Variants in PEX26 observed in about 807,000 individuals in gnomAD.
PEX26 encodes peroxisomal biogenesis factor 26.
In PEX26, 18 loss-of-function variants were observed where a neutral mutation model predicts 31.4. That is an observed-to-expected ratio of 0.57 (90% CI 0.40 to 0.85). The LOEUF (loss-of-function observed/expected upper bound fraction) is 0.85. PEX26 is among the 40% of genes least tolerant of loss of function. PEX26 has a pLI of 0.00. For missense variants in PEX26, 377 were observed against 383.9 expected, an observed-to-expected ratio of 0.98 and a Z score of 0.15; for synonymous variants, 176 against 166.9, an observed-to-expected ratio of 1.05 and a Z score of -0.42.
Position 18,100,747 on chromosome 22 carries a change from A to G in PEX26, c.*12672A>G, listed in dbSNP as rs1256545123. 1 of 152,276 alleles carries G rather than the reference A, an allele frequency of 6.6e-6. No individual in the cohort carries two copies. The highest frequency in any genetic ancestry group is 1.9e-4 in the East Asian group (1 of 5,204). 9.4% of individuals were successfully genotyped at this position (152,276 alleles called of 1,614,324 possible). ...CGATGCTGTTTACTACATCCTACGC[A>G]TGCTGAGATAGATGAGTGGGACACC... On this transcript the variant is annotated 3_prime_UTR_variant, in exon 5 of 5. Coordinates refer to ENST00000399744, the MANE Select transcript of PEX26 (RefSeq NM_001127649.3).
In PEX26 at chr22:18,083,890, G is replaced by A. The variant is rs565079703; in HGVS notation, c.667+158G>A. Among the ~76,000 whole-genome samples, 26 of 152,330 alleles carry A rather than the reference G, an allele frequency of 1.7e-4. 1 individual carries two copies. Among genetic ancestry groups the A allele is most frequent in the Middle Eastern group, 6.8e-3 (2 of 294 alleles). Reference sequence around the variant, plus strand: ...GAGGCCTGTTGATTTGCTTCACAAAGTGAAGGCCAGACCCTCTGAAGTTGG... The same window carrying A: ...GAGGCCTGTTGATTTGCTTCACAAAATGAAGGCCAGACCCTCTGAAGTTGG... On this transcript the variant is annotated intron_variant, in intron 3 of 4. Transcript: ENST00000399744.
rs951195109 is a variant in PEX26, at chr22:18,079,182, AAAAAG to A, written c.230+584_230+588del. On this transcript the variant is annotated intron_variant, in intron 1 of 4. Transcript: ENST00000399744. The stretch of plus-strand genomic sequence containing the variant: ...AGCCCTCTTCTCTACCAAAAAGAAG[AAAAAG>A]AAAAGAATCCGGAGAAAAAAACCTT... 1.0e-5 allele frequency: 10 copies of A among 984,606 alleles called. No homozygotes were observed. In the African/African-American group the frequency reaches 1.7e-4, roughly 17 times the overall value. The allele number at this position is 984,606 out of a possible 1,614,324, so 61.0% of individuals were successfully genotyped here. A position where few individuals can be genotyped will look rare whatever the true frequency, so the allele number is the denominator to read the frequency against.
rs1169658164 is a variant in PEX26 at position 18,099,712 on chromosome 22, C to G, written c.*11637C>G. 1 of 152,258 alleles carries G rather than the reference C, an allele frequency of 6.6e-6. No individual in the cohort carries two copies. Among genetic ancestry groups the G allele is most frequent in the Non-Finnish European group, 1.5e-5 (1 of 68,048 alleles). The allele number at this position is 152,258 out of a possible 1,614,324, so 9.4% of individuals were successfully genotyped here. A position where few individuals can be genotyped will look rare whatever the true frequency, so the allele number is the denominator to read the frequency against. ...GAAGGCCAGAAGTCAGCCAAAGCCT[C>G]TGCCTCTGAAGGCTGTAGGCAAGAT... On this transcript the variant is annotated 3_prime_UTR_variant, in exon 5 of 5. Transcript: ENST00000399744.
At position 18,103,387 on chromosome 22, in the gene PEX26, C is replaced by T. The variant is rs1927518996; in HGVS notation, c.*15312C>T. 6.6e-6 allele frequency: 1 copy of T among 152,104 alleles called. No homozygotes were observed. 9.4% of individuals were successfully genotyped at this position (152,104 alleles called of 1,614,324 possible). ...TATCCTGGATACCCTGAGTTGATCA[C>T]TACACATTCTATGCATGTAATGAAA... On this transcript the variant is annotated 3_prime_UTR_variant, in exon 5 of 5. Coordinates refer to ENST00000399744, the MANE Select transcript of PEX26 (RefSeq NM_001127649.3).
At chr22:18,081,582 C>A in intron 2 of PEX26, 1 of 166,424 alleles carries the variant, frequency 6.0e-6, no homozygotes, top group Admixed American at 6.5e-5. Flanking sequence ...CGGCCGGTGG[C>A]AGTACCAGAA....
chr22:18,083,776 G>A (rs1926722014), intron 3 of PEX26, 44 bp downstream of exon 3: 1 of 1,581,468 alleles, frequency 6.3e-7, no homozygotes, highest in Admixed American at 1.7e-5. Context: ...TGGACTTGCG[G>A]GCTTGCACTG....
rs1361982609 is a variant in PEX26 at position 18,097,001 on chromosome 22, A to G, written c.*8926A>G. ...GCAAAGGGGAAGCAAGGCACATCTT[A>G]CATGGCAGCAGCAGAGAGAATGAGG... On this transcript the variant is annotated 3_prime_UTR_variant, in exon 5 of 5. Coordinates refer to ENST00000399744, the MANE Select transcript of PEX26 (RefSeq NM_001127649.3). The G allele has an allele frequency of 6.6e-6, 1 of 152,234 alleles. No individual in the cohort carries two copies. The highest frequency in any genetic ancestry group is 1.5e-5 in the Non-Finnish European group (1 of 68,078). The allele number at this position is 152,234 out of a possible 1,614,324, so 9.4% of individuals were successfully genotyped here. A position where few individuals can be genotyped will look rare whatever the true frequency, so the allele number is the denominator to read the frequency against.
chr22:18,097,258 GT>G lies in PEX26; in HGVS notation c.*9197del, dbSNP rs1244157956. 116 of 143,006 alleles carry G rather than the reference GT, an allele frequency of 8.1e-4. No homozygotes were observed. Among genetic ancestry groups the G allele is most frequent in the Admixed American group, 4.2e-3 (60 of 14,274 alleles). The allele number at this position is 143,006 out of a possible 1,614,324, so 8.9% of individuals were successfully genotyped here. A position where few individuals can be genotyped will look rare whatever the true frequency, so the allele number is the denominator to read the frequency against. On this transcript the variant is annotated 3_prime_UTR_variant, in exon 5 of 5. Coordinates refer to ENST00000399744, the MANE Select transcript of PEX26 (RefSeq NM_001127649.3). ...ACCCCAATGGCAGCTATGGCCGTTA[GT>G]TTTTTTTTTTTTTCTTTTTTTTGAG...
rs1781194931 is a variant in PEX26, at chr22:18,099,054, A to G, written c.*10979A>G. The G allele has an allele frequency of 6.6e-6, 1 of 152,152 alleles. No homozygotes were observed. The highest frequency in any genetic ancestry group is 1.5e-5 in the Non-Finnish European group (1 of 68,020). The allele number at this position is 152,152 out of a possible 1,614,324, so 9.4% of individuals were successfully genotyped here. On this transcript the variant is annotated 3_prime_UTR_variant, in exon 5 of 5. Coordinates refer to ENST00000399744, the MANE Select transcript of PEX26 (RefSeq NM_001127649.3). ...ATGCTGTCTGCCTTACCTTTTAGTG[A>G]TGATTTGTAGGAAGAGGAAGGTAGG...
chr22:18,104,103 GA>G lies in PEX26; in HGVS notation c.*16032del, dbSNP rs1927542007. The G allele has an allele frequency of 6.6e-6, 1 of 152,122 alleles. No homozygotes were observed. The highest frequency in any genetic ancestry group is 2.1e-4 in the South Asian group (1 of 4,826). 9.4% of individuals were successfully genotyped at this position (152,122 alleles called of 1,614,324 possible). A position where few individuals can be genotyped will look rare whatever the true frequency, so the allele number is the denominator to read the frequency against. On this transcript the variant is annotated 3_prime_UTR_variant, in exon 5 of 5. Transcript: ENST00000399744. ...CAGTTGTTTCAGTGTTGGTTAGGAG[GA>G]AAATGCCCAGAAAGGGGAACAGTTA...
Position 18,097,137 on chromosome 22 carries a change from C to T in PEX26, c.*9062C>T, listed in dbSNP as rs1927319330. The stretch of plus-strand genomic sequence containing the variant: ...TCCAGTCACCTCCCACCAGGTCCCT[C>T]CTCCGACGTGGGGATTACAGTTTGA... On this transcript the variant is annotated 3_prime_UTR_variant, in exon 5 of 5. Transcript: ENST00000399744. 1 of 152,258 alleles carries T rather than the reference C, an allele frequency of 6.6e-6. No individual in the cohort carries two copies. Among genetic ancestry groups the T allele is most frequent in the Admixed American group, 6.5e-5 (1 of 15,284 alleles). The allele number at this position is 152,258 out of a possible 1,614,324, so 9.4% of individuals were successfully genotyped here. A position where few individuals can be genotyped will look rare whatever the true frequency, so the allele number is the denominator to read the frequency against.
At chr22:18,086,540 G>A (rs924888936) in intron 4 of PEX26, among the ~76,000 whole-genome samples, 6 of 152,076 alleles carry the variant, frequency 3.9e-5, no homozygotes, top group South Asian at 2.1e-4. Context: ...TTTCTGCCTC[G>A]CTGTGAAGAA....
rs771685854 is a variant in PEX26, at chr22:18,085,094, C to T, written c.668-18C>T. 14 of 1,613,592 alleles carry T rather than the reference C, an allele frequency of 8.7e-6. No individual in the cohort carries two copies. The African/African-American group carries it at 1.5e-4, about 17-fold the overall frequency. ...TTCCCATGACATCCCTGAAGCTGTG[C>T]TCTGTCTCCCTGGCCAGGCTCTGTC... On this transcript the variant is annotated intron_variant, in intron 3 of 4. Coordinates refer to ENST00000399744, the MANE Select transcript of PEX26 (RefSeq NM_001127649.3).
intron 4 of PEX26, among the ~76,000 whole-genome samples, chr22:18,087,016 G>A (rs771413723): frequency 5.9e-5 from 9 of 151,974 alleles, no homozygotes; most frequent in South Asian, 2.1e-4. Context: ...AGGCTCAAGC[G>A]ATCTTCTCTC....
Position 18,088,337 on chromosome 22 carries a change from G to C in PEX26, c.*262G>C, listed in dbSNP as rs927824041. ...GGATGACCAGAGGCCCCTTGAAAAG[G>C]AGGGGTTTGGGGACAGGGACTGTGT... is the stretch of plus-strand genomic sequence containing the variant. On this transcript the variant is annotated 3_prime_UTR_variant, in exon 5 of 5. Transcript: ENST00000399744. The surrounding 1 kb of genome is among the most constrained non-coding windows in gnomAD (Gnocchi z 4.1). 2 of 602,834 alleles carry C rather than the reference G, an allele frequency of 3.3e-6. No individual in the cohort carries two copies. The highest frequency in any genetic ancestry group is 1.7e-5 in the South Asian group (1 of 58,432). 37.3% of individuals were successfully genotyped at this position (602,834 alleles called of 1,614,324 possible).
rs1454035579 is a variant in PEX26, at chr22:18,088,753, C to CA, written c.*681dup. 1 of 169,170 alleles carries CA rather than the reference C, an allele frequency of 5.9e-6. No homozygotes were observed. The highest frequency in any genetic ancestry group is 2.4e-5 in the African/African-American group (1 of 41,624). The allele number at this position is 169,170 out of a possible 1,614,324, so 10.5% of individuals were successfully genotyped here. On this transcript the variant is annotated 3_prime_UTR_variant, in exon 5 of 5. Transcript: ENST00000399744. This position sits in a 1 kb window ranked among gnomAD's most constrained non-coding sequence, Gnocchi z 4.1. Reference sequence around the variant, plus strand: ...ATTGTGCTACCGCACTCTCTCAAAACAAACAAAAAAACATGCCCCACAGGA... The same window carrying CA: ...ATTGTGCTACCGCACTCTCTCAAAACAAAACAAAAAAACATGCCCCACAGGA...
chr22:18,078,619 C>A lies in PEX26; in HGVS notation c.230+13C>A. 6.3e-7 allele frequency: 1 copy of A among 1,593,866 alleles called. No homozygotes were observed. The highest frequency in any genetic ancestry group is 1.7e-5 in the Admixed American group (1 of 58,368). On this transcript the variant is annotated intron_variant, in intron 1 of 4. Coordinates refer to ENST00000399744, the MANE Select transcript of PEX26 (RefSeq NM_001127649.3). ...AACCCGCGGGCACGTACGTGCTGGG[C>A]TCGGAAATGAACCGATTTCCGGGCG...
chr22:18,078,574 C>T lies in PEX26; in HGVS notation c.198C>T (p.Ala66=), dbSNP rs374290931. 355 of 1,599,084 alleles carry T rather than the reference C, an allele frequency of 2.2e-4. 3 individuals carry two copies. The highest frequency in any genetic ancestry group is 1.7e-4 in the Middle Eastern group (1 of 6,048). The stretch of plus-strand genomic sequence containing the variant: ...GCGAGCGGGCCTGGCAGAGTCTGGC[C>T]AACCACGCCGTGGCAGAGGAACCCG... The part of the protein sequence containing the change: ...ETCERAWQSL[A]NHAVAEEPAG... The change falls in exon 1 of 5, where the codon GCC becomes GCT. Residue 66 remains alanine (A), a synonymous_variant. Transcript: ENST00000399744.
At chr22:18,087,271 C>T (rs531515878) in intron 4 of PEX26, among the ~76,000 whole-genome samples, 20 of 152,186 alleles carry the variant, frequency 1.3e-4, no homozygotes, top group South Asian at 1.2e-3. Context: ...GACGGGGTTT[C>T]GCCATGTTTG....
Sources: gnomAD v4.1 joint callset for allele counts (sites outside exome capture counted in the v4.1 genomes callset) on GRCh38, gnomAD v4.1.1 for gene constraint, Gnocchi (gnomAD v3.1) non-coding constraint, MANE v1.5 for transcripts, NCBI Gene and HGNC (gene_info 2026-07-23, HGNC 2026-07-21) for gene names.